Variants in PDE3B observed in about 807,000 individuals in gnomAD.
The protein encoded by PDE3B is phosphodiesterase 3B.
Under a neutral mutation model 116.8 loss-of-function variants are expected in PDE3B, and 66 were observed. The observed-to-expected ratio is 0.56, with a 90% CI of 0.46 to 0.69. The LOEUF (loss-of-function observed/expected upper bound fraction) is 0.69, where lower values mean the gene tolerates loss of function less well. Among genes scored for constraint, PDE3B ranks in the 30% least tolerant of loss-of-function variants. The probability of loss-of-function intolerance (pLI) is 0.00; values close to 1 mark genes in which losing one functional copy is unlikely to be tolerated. For missense variants in PDE3B, 1,384 were observed against 1,368.1 expected, an observed-to-expected ratio of 1.01 and a Z score of -0.18; for synonymous variants, 595 against 533.6, an observed-to-expected ratio of 1.12 and a Z score of -1.59.
chr11:14,697,354 A>G (rs1045235440), intron 1 of PDE3B, among the ~76,000 whole-genome samples: 1 of 152,146 alleles, frequency 6.6e-6, no homozygotes, highest in African/African-American at 2.4e-5. Context: ...AGCACCATTA[A>G]TTGAAAAGAT....
At chr11:14,872,658 G>A (rs782096921), downstream of PDE3B, among the ~76,000 whole-genome samples, 3 of 152,166 alleles carry the variant, frequency 2.0e-5, no homozygotes, top group Non-Finnish European at 4.4e-5. Context: ...GCATACTTCA[G>A]TTGTCCCTTG....
At chr11:14,768,381 T>C (rs1857553523) in intron 1 of PDE3B, among the ~76,000 whole-genome samples, 1 of 151,534 alleles carries the variant, frequency 6.6e-6, no homozygotes, top group South Asian at 2.1e-4. Flanking sequence ...ATAATCACCA[T>C]CCTGAATTTC....
At chr11:14,798,917 G>A (rs1456448042) in intron 4 of PDE3B, among the ~76,000 whole-genome samples, 4 of 151,788 alleles carry the variant, frequency 2.6e-5, no homozygotes, top group Admixed American at 6.6e-5. Flanking sequence ...AGGGTTTTTC[G>A]TGTCTCTATC....
chr11:14,692,912 A>G (rs947158628), intron 1 of PDE3B, among the ~76,000 whole-genome samples: 5 of 152,230 alleles, frequency 3.3e-5, no homozygotes, highest in Non-Finnish European at 5.9e-5. Flanking sequence ...GAAAGCTGAC[A>G]TACACCAAAA....
intron 12 of PDE3B, among the ~76,000 whole-genome samples, chr11:14,856,808 C>A (rs1397894136): frequency 6.6e-6 from 1 of 150,416 alleles, no homozygotes; most frequent in Non-Finnish European, 1.5e-5. Context: ...GAGCTGAGAT[C>A]GCGCCACTGC....
At chr11:14,767,927 T>C (rs1219171788) in intron 1 of PDE3B, among the ~76,000 whole-genome samples, 1 of 151,226 alleles carries the variant, frequency 6.6e-6, no homozygotes, top group Non-Finnish European at 1.5e-5. Context: ...TACATATATG[T>C]AATCTAATAC....
intron 12 of PDE3B, among the ~76,000 whole-genome samples, chr11:14,847,176 A>C (rs1315825765): frequency 6.6e-6 from 1 of 152,236 alleles, no homozygotes; most frequent in Non-Finnish European, 1.5e-5. Flanking sequence ...GGAACTCAGG[A>C]TTAAGACACT....
Position 14,645,005 on chromosome 11 carries a change from T to C in PDE3B, c.930T>C (p.Ser310=). ...LGETAASYYG[S]CKIFRRPSLP... The stretch of plus-strand genomic sequence containing the variant: ...AAACTGCAGCCAGTTACTATGGCAG[T>C]TGCAAAATATTCAGGAGACCGTCGT... Residue 310 remains serine, a synonymous_variant, in exon 1 of 16, where the codon AGT becomes AGC. Transcript: ENST00000282096. 1 of 1,613,272 alleles carries C rather than the reference T, an allele frequency of 6.2e-7. No homozygotes were observed. The highest frequency in any genetic ancestry group is 8.5e-7 in the Non-Finnish European group (1 of 1,179,812).
chr11:14,837,599 C>G (rs1038275668), intron 11 of PDE3B, among the ~76,000 whole-genome samples: 1 of 152,160 alleles, frequency 6.6e-6, no homozygotes, highest in Non-Finnish European at 1.5e-5. Flanking sequence ...CCTTAATGAC[C>G]ATTTTTCTAT....
At position 14,829,640 on chromosome 11, in the gene PDE3B, C is replaced by T. The variant is rs111808190; in HGVS notation, c.1808-1058C>T. Among the ~76,000 whole-genome samples, 455 of 151,752 alleles carry T rather than the reference C, an allele frequency of 3.0e-3. 2 individuals carry two copies. The highest frequency in any genetic ancestry group is 5.2e-3 in the Non-Finnish European group (351 of 67,886). ...TCACTTATAAGTGGGAGATGAATGACGAGAACACATGGACATAAAGAGGAG... is the reference window on the plus strand; with the variant it reads ...TCACTTATAAGTGGGAGATGAATGATGAGAACACATGGACATAAAGAGGAG... On this transcript the variant is annotated intron_variant, in intron 7 of 15. Coordinates refer to ENST00000282096, the MANE Select transcript of PDE3B (RefSeq NM_000922.4).
chr11:14,718,702 A>G (rs1855997003), intron 1 of PDE3B, among the ~76,000 whole-genome samples: 1 of 150,712 alleles, frequency 6.6e-6, no homozygotes, highest in Non-Finnish European at 1.5e-5. Context: ...AGGCAGAAAT[A>G]AAGATGTTCT....
intron 7 of PDE3B, among the ~76,000 whole-genome samples, chr11:14,819,681 T>A (rs1257378080): frequency 6.6e-6 from 1 of 152,174 alleles, no homozygotes; most frequent in Non-Finnish European, 1.5e-5. Flanking sequence ...CAGTAGTAGT[T>A]AACTAAGTAA....
chr11:14,738,744 T>G (rs1856671612), intron 1 of PDE3B, among the ~76,000 whole-genome samples: 1 of 152,262 alleles, frequency 6.6e-6, no homozygotes, highest in African/African-American at 2.4e-5. Context: ...GGTCTTACGC[T>G]TAAGTCTTTA....
At chr11:14,848,983 C>G (rs943270227) in intron 12 of PDE3B, among the ~76,000 whole-genome samples, 2 of 152,160 alleles carry the variant, frequency 1.3e-5, no homozygotes, top group African/African-American at 4.8e-5. Flanking sequence ...TTGGAAAAAA[C>G]TACTTTAAAG....
intron 12 of PDE3B, among the ~76,000 whole-genome samples, chr11:14,846,744 G>A (rs915039741): frequency 1.3e-5 from 2 of 152,100 alleles, no homozygotes; most frequent in African/African-American, 2.4e-5. Context: ...AGACAAAGAA[G>A]GCCATTACAT....
chr11:14,889,696 A>G, the PDE3B span, among the ~76,000 whole-genome samples: 6 of 152,368 alleles, frequency 3.9e-5, no homozygotes, highest in South Asian at 1.0e-3. Flanking sequence ...AAATATTCAT[A>G]GTAATACCGA....
the PDE3B span, chr11:14,892,058 C>T: frequency 6.2e-7 from 1 of 1,612,764 alleles, no homozygotes; most frequent in African/African-American, 1.3e-5. Context: ...TAGATGTTGC[C>T]GATAAATGGC....
intron 1 of PDE3B, among the ~76,000 whole-genome samples, chr11:14,662,066 G>T (rs1753336755): frequency 6.6e-6 from 1 of 152,164 alleles, no homozygotes; most frequent in African/African-American, 2.4e-5. Flanking sequence ...CCAAGTAGGG[G>T]CAGACTGACA....
chr11:14,835,444 A>T lies in PDE3B; in HGVS notation c.2320+349A>T, dbSNP rs769799680. Among the ~76,000 whole-genome samples, 542 of 148,186 alleles carry T rather than the reference A, an allele frequency of 3.7e-3. 3 individuals carry two copies. The highest frequency in any genetic ancestry group is 6.9e-3 in the Admixed American group (103 of 15,000). Reference sequence around the variant, plus strand: ...ATTAGTCCTTTGTTTTTTTAAAAAAAATTTTTTTTTTGTTTCAAGTACATC... The same window carrying T: ...ATTAGTCCTTTGTTTTTTTAAAAAATATTTTTTTTTTGTTTCAAGTACATC... On this transcript the variant is annotated intron_variant, in intron 11 of 15. Transcript: ENST00000282096.
Sources: allele counts gnomAD v4.1 joint callset (sites outside exome capture counted in the v4.1 genomes callset), GRCh38; gene constraint gnomAD v4.1.1; transcripts MANE v1.5; gene names NCBI Gene and HGNC (gene_info 2026-07-23, HGNC 2026-07-21).